The following NXPH1 variants were observed in gnomAD, a reference collection of about 807,000 sequenced individuals.
NXPH1 encodes the protein neurexophilin-1.
A neutral mutation model predicts 23.7 loss-of-function variants in NXPH1; 5 were observed. The observed-to-expected ratio is 0.21, with a 90% confidence interval of 0.11 to 0.44. NXPH1 has a LOEUF of 0.44. Ranked by LOEUF, NXPH1 falls within the 20% of genes least tolerant of loss-of-function variation. The probability of loss-of-function intolerance (pLI) is 0.99; values close to 1 mark genes in which losing one functional copy is unlikely to be tolerated. For synonymous variants in NXPH1, 144 were observed against 122.2 expected (o/e 1.18, Z -1.18); for missense variants, 324 against 321.6 (o/e 1.01, Z -0.06).
chr7:8,514,767 T>TC (rs1313321078), intron 2 of NXPH1, among the ~76,000 whole-genome samples: 3 of 152,244 alleles, frequency 2.0e-5, no homozygotes, highest in East Asian at 3.9e-4. Flanking sequence ...CTATTCTTTT[T>TC]CACCAAGCGG....
Position 8,566,860 on chromosome 7 carries a change from C to T in NXPH1, c.54+131093C>T, listed in dbSNP as rs531028730. Among the ~76,000 whole-genome samples, 36 of 150,876 alleles carry T rather than the reference C, an allele frequency of 2.4e-4. No individual in the cohort carries two copies. The South Asian group carries it at 3.8e-3, about 16-fold the overall frequency. ...CCTCATATTCATTCATATTTTTTTT[C>T]TCTCTCTCTCATCTATCTATCTACT... On this transcript the variant is annotated intron_variant, in intron 2 of 2. Coordinates refer to ENST00000405863, the MANE Select transcript of NXPH1 (RefSeq NM_152745.3).
intron 2 of NXPH1, among the ~76,000 whole-genome samples, chr7:8,501,628 T>C (rs568431215): frequency 6.6e-6 from 1 of 152,228 alleles, no homozygotes; most frequent in South Asian, 2.1e-4. Flanking sequence ...TCTACCATTT[T>C]ACAGGTGAAT....
Position 8,637,307 on chromosome 7 carries a change from C to T in NXPH1, c.55-113701C>T, listed in dbSNP as rs143943090. ...GTGCAATCATGGCTCACTGTAGCCT[C>T]GACCTCCTGGGCACAAGTGATTCTC... is the stretch of plus-strand genomic sequence containing the variant. On this transcript the variant is annotated intron_variant, in intron 2 of 2. Transcript: ENST00000405863. 7.3e-3 allele frequency among the ~76,000 whole-genome samples: 1,114 copies of T among 151,934 alleles called. 16 individuals are homozygous for T. Among genetic ancestry groups the T allele is most frequent in the African/African-American group, 0.025 (1,048 of 41,438 alleles).
chr7:8,600,707 G>A (rs1259824618), intron 2 of NXPH1, among the ~76,000 whole-genome samples: 7 of 152,118 alleles, frequency 4.6e-5, no homozygotes, highest in Admixed American at 4.6e-4. Context: ...ACTTATGATT[G>A]ACTTTTGGTT....
chr7:8,745,725 T>A (rs1780458122), intron 2 of NXPH1, among the ~76,000 whole-genome samples: 1 of 146,458 alleles, frequency 6.8e-6, no homozygotes, highest in Admixed American at 6.8e-5. Context: ...GCTAATTTTT[T>A]TTTTTTTTTT....
chr7:8,724,002 CAAAT>C (rs1400348855), intron 2 of NXPH1, among the ~76,000 whole-genome samples: 1 of 152,150 alleles, frequency 6.6e-6, no homozygotes, highest in African/African-American at 2.4e-5. Flanking sequence ...AATAAATAAT[CAAAT>C]AAATAAATAG....
intron 2 of NXPH1, among the ~76,000 whole-genome samples, chr7:8,685,879 T>C (rs6958933): frequency 0.35 from 52,674 of 151,792 alleles, 9,209 homozygotes; most frequent in East Asian, 0.44. Context: ...ACAGGATGAC[T>C]ACAGTCAAGA....
chr7:8,535,044 A>C (rs768840569), intron 2 of NXPH1, among the ~76,000 whole-genome samples: 8 of 152,098 alleles, frequency 5.3e-5, no homozygotes, highest in Non-Finnish European at 1.0e-4. Context: ...AAATCAATGA[A>C]AGTAAAGTGC....
intron 2 of NXPH1, among the ~76,000 whole-genome samples, chr7:8,594,525 G>T (rs1819172930): frequency 6.6e-6 from 1 of 152,020 alleles, no homozygotes; most frequent in Non-Finnish European, 1.5e-5. Context: ...AGCCATTCAA[G>T]CTTAAAAATA....
chr7:8,465,618 C>A (rs940568805), intron 2 of NXPH1, among the ~76,000 whole-genome samples: 2 of 152,228 alleles, frequency 1.3e-5, no homozygotes, highest in African/African-American at 4.8e-5. Flanking sequence ...CGGTCGCTTT[C>A]CAGCTGTTGG....
At chr7:8,625,352 AG>A (rs1470315645) in intron 2 of NXPH1, among the ~76,000 whole-genome samples, 1 of 152,142 alleles carries the variant, frequency 6.6e-6, no homozygotes, top group Admixed American at 6.6e-5. Context: ...GTAGGAAGTT[AG>A]GGGGAAGATC....
chr7:8,717,986 G>C (rs1779905846), intron 2 of NXPH1, among the ~76,000 whole-genome samples: 1 of 151,210 alleles, frequency 6.6e-6, no homozygotes, highest in Admixed American at 6.6e-5. Flanking sequence ...ATTTTGGCTT[G>C]ATGACTCAGG....
At chr7:8,604,748 G>C (rs575483600) in intron 2 of NXPH1, among the ~76,000 whole-genome samples, 1 of 152,186 alleles carries the variant, frequency 6.6e-6, no homozygotes, top group South Asian at 2.1e-4. Flanking sequence ...TAGACTACTA[G>C]TGGCAATAGC....
At chr7:8,582,256 G>A (rs987092282) in intron 2 of NXPH1, among the ~76,000 whole-genome samples, 8 of 152,218 alleles carry the variant, frequency 5.3e-5, no homozygotes, top group African/African-American at 1.9e-4. Flanking sequence ...GAGCCTCCAG[G>A]TCTGGTTGCC....
chr7:8,606,499 G>C (rs141853647), intron 2 of NXPH1, among the ~76,000 whole-genome samples: 2 of 152,210 alleles, frequency 1.3e-5, no homozygotes, highest in African/African-American at 4.8e-5. Flanking sequence ...TTTAAAAACT[G>C]TCTCTTTCCT....
At chr7:8,507,323 G>A (rs1292487483) in intron 2 of NXPH1, among the ~76,000 whole-genome samples, 4 of 151,724 alleles carry the variant, frequency 2.6e-5, no homozygotes, top group African/African-American at 9.7e-5. Flanking sequence ...GATCATGAGT[G>A]AAACAGAAGC....
chr7:8,541,206 A>T (rs904403601), intron 2 of NXPH1, among the ~76,000 whole-genome samples: 1 of 151,768 alleles, frequency 6.6e-6, no homozygotes, highest in Non-Finnish European at 1.5e-5. Context: ...CAAAAAGTTT[A>T]GATATGGAAG....
intron 2 of NXPH1, among the ~76,000 whole-genome samples, chr7:8,498,000 C>T (rs1817367096): frequency 6.6e-6 from 1 of 151,978 alleles, no homozygotes; most frequent in African/African-American, 2.4e-5. Flanking sequence ...AGATTTTAAC[C>T]TGTTTCCTTA....
chr7:8,555,584 A>C (rs1473744549), intron 2 of NXPH1, among the ~76,000 whole-genome samples: 2 of 151,636 alleles, frequency 1.3e-5, no homozygotes, highest in African/African-American at 4.8e-5. Context: ...AAACTTTCCC[A>C]AGGCCAAAGC....
Sources: allele counts gnomAD v4.1 joint callset (sites outside exome capture counted in the v4.1 genomes callset), GRCh38; gene constraint gnomAD v4.1.1; transcripts MANE v1.5; gene names NCBI Gene and HGNC (gene_info 2026-07-23, HGNC 2026-07-21).